UBR4: variants seen among roughly 807,000 people sequenced by gnomAD.
UBR4 encodes the protein E3 ubiquitin-protein ligase UBR4.
Under a neutral mutation model 575.6 loss-of-function variants are expected in UBR4, and 124 were observed. The observed-to-expected ratio is 0.22, with a 90% confidence interval of 0.19 to 0.25. UBR4 has a LOEUF of 0.25. UBR4 is among the 10% of genes least tolerant of loss of function. The pLI is 1.00. For synonymous variants in UBR4, 2,455 were observed against 2,473.7 expected (o/e 0.99, Z 0.22); for missense variants, 4,818 against 6,478.8 (o/e 0.74, Z 8.80).
chr1:19,083,457 G>A (rs1019532720), intron 102 of UBR4, among the ~76,000 whole-genome samples: 4 of 152,212 alleles, frequency 2.6e-5, no homozygotes, highest in Non-Finnish European at 5.9e-5. Flanking sequence ...ACAGGGAACC[G>A]TAAGCCTCTT....
At chr1:19,150,518 A>T in intron 49 of UBR4, 59 bp downstream of exon 49, 1 of 1,559,010 alleles carries the variant, frequency 6.4e-7, no homozygotes, top group South Asian at 1.1e-5. Context: ...AGACACAGGA[A>T]GGTTCTGCAG....
rs77005511 is a variant in UBR4, at chr1:19,099,510, G to T, written c.13302+87C>A. On this transcript the variant is annotated intron_variant, in intron 90 of 105. Transcript: ENST00000375254. ...GAGAGCTGCTACAAGCCAGGTAAGTGATGATGAACAATGGCTCCTGCTGGT... is the reference window on the plus strand; with the variant it reads ...GAGAGCTGCTACAAGCCAGGTAAGTTATGATGAACAATGGCTCCTGCTGGT... The T allele has an allele frequency of 3.7e-3, 4,544 of 1,213,428 alleles. 147 individuals are homozygous for T. In the African/African-American group the frequency reaches 0.062, roughly 16 times the overall value. The allele number at this position is 1,213,428 out of a possible 1,614,324, so 75.2% of individuals were successfully genotyped here. A position where few individuals can be genotyped will look rare whatever the true frequency, so the allele number is the denominator to read the frequency against.
At chr1:19,113,381 G>T in intron 77 of UBR4, 1 of 347,536 alleles carries the variant, frequency 2.9e-6, no homozygotes, top group Non-Finnish European at 5.3e-6. Context: ...CAGAATCTTG[G>T]CATCAAATTT....
rs2085942741 is a variant in UBR4, at chr1:19,152,987, C to T, written c.6832+314G>A. On this transcript the variant is annotated intron_variant, in intron 46 of 105. Coordinates refer to ENST00000375254, the MANE Select transcript of UBR4 (RefSeq NM_020765.3). The surrounding 1 kb of genome is among the most constrained non-coding windows in gnomAD (Gnocchi z 4.4). ...TCTTCACTACTCAGTGGGAAATTAA[C>T]CAGCTGAAGAGGTCTATACTTCAAT... Among the ~76,000 whole-genome samples, 1 of 152,186 alleles carries T rather than the reference C, an allele frequency of 6.6e-6. No homozygotes were observed. Among genetic ancestry groups the T allele is most frequent in the Non-Finnish European group, 1.5e-5 (1 of 68,030 alleles).
At chr1:19,187,085 T>TATG in intron 13 of UBR4, 79 bp downstream of exon 13, 3 of 907,584 alleles carry the variant, frequency 3.3e-6, no homozygotes, top group African/African-American at 1.8e-5. Flanking sequence ...TTTATATATA[T>TATG]ATATATATAT....
intron 1 of UBR4, among the ~76,000 whole-genome samples, chr1:19,208,327 C>T (rs1467872117): frequency 2.0e-5 from 3 of 152,054 alleles, no homozygotes; most frequent in South Asian, 4.2e-4. Flanking sequence ...GTTAGCTGGG[C>T]GTGGTGGCAG....
At chr1:19,086,433 A>G (rs938961514) in intron 100 of UBR4, among the ~76,000 whole-genome samples, 163 bp from the exon 101 acceptor site, 3 of 152,232 alleles carry the variant, frequency 2.0e-5, no homozygotes, top group Admixed American at 2.0e-4. Context: ...TGTAGCCTCA[A>G]TGTGGTACAC....
At chr1:19,097,670 A>G (rs956367597) in intron 90 of UBR4, among the ~76,000 whole-genome samples, 2 of 152,212 alleles carry the variant, frequency 1.3e-5, no homozygotes, top group Non-Finnish European at 2.9e-5. Context: ...CTATAAGCGG[A>G]GGTCTAATTC....
At chr1:19,167,924 T>C (rs2088794326) in intron 28 of UBR4, 103 bp downstream of exon 28, 5 of 1,272,416 alleles carry the variant, frequency 3.9e-6, no homozygotes, top group Non-Finnish European at 5.2e-6. Flanking sequence ...TAAAGAAGTA[T>C]ATAAGAAAGC....
chr1:19,104,363 T>G (rs1285521301), intron 86 of UBR4, 106 bp from the exon 87 acceptor site: 6 of 1,418,322 alleles, frequency 4.2e-6, no homozygotes, highest in Non-Finnish European at 5.8e-6. Context: ...AAAATCTATC[T>G]TTGTGCATGG....
intron 1 of UBR4, among the ~76,000 whole-genome samples, chr1:19,207,018 A>G (rs916577469): frequency 6.6e-6 from 1 of 152,240 alleles, no homozygotes; most frequent in Non-Finnish European, 1.5e-5. Context: ...GGTCGAAAGT[A>G]AGAGTTGGCA....
Position 19,093,888 on chromosome 1 carries a change from G to A in UBR4, c.13937+61C>T. ...TCAGAGGATTCTTCCTCATCTCACA[G>A]ACCTAGTTCGGCGTTTTAGTGGAGA... On this transcript the variant is annotated intron_variant, in intron 95 of 105. Coordinates refer to ENST00000375254, the MANE Select transcript of UBR4 (RefSeq NM_020765.3). This position sits in a 1 kb window ranked among gnomAD's most constrained non-coding sequence, Gnocchi z 4.8. 1 of 1,541,030 alleles carries A rather than the reference G, an allele frequency of 6.5e-7. No individual in the cohort carries two copies. Among genetic ancestry groups the A allele is most frequent in the Non-Finnish European group, 8.8e-7 (1 of 1,134,866 alleles).
At chr1:19,146,180 G>T in intron 52 of UBR4, 1 of 1,280,332 alleles carries the variant, frequency 7.8e-7, no homozygotes, top group Non-Finnish European at 1.1e-6. Flanking sequence ...GATGTTTACC[G>T]CAGATTCAAA....
At chr1:19,132,223 C>G (rs1007228411) in intron 60 of UBR4, among the ~76,000 whole-genome samples, 3 of 151,928 alleles carry the variant, frequency 2.0e-5, no homozygotes, top group Admixed American at 2.0e-4. Context: ...ACTCTGTCAC[C>G]CAGGCTGGAG....
At position 19,094,830 on chromosome 1, in the gene UBR4, CA is replaced by C; in HGVS notation, c.13746+75del. 5.7e-6 allele frequency: 9 copies of C among 1,569,818 alleles called. 1 individual carries two copies. In the South Asian group the frequency reaches 9.3e-5, roughly 16 times the overall value. ...ATTCTCAGGTGGGCTAAGCCAGACA[CA>C]AACAGGCCTGTTGTGGGCAATGAGA... is the stretch of plus-strand genomic sequence containing the variant. On this transcript the variant is annotated intron_variant, in intron 94 of 105. Coordinates refer to ENST00000375254, the MANE Select transcript of UBR4 (RefSeq NM_020765.3).
Position 19,141,755 on chromosome 1 carries a change from A to G in UBR4, c.8202T>C (p.Asp2734=), listed in dbSNP as rs1162605779. ...TPMGDKDDDD[D]DDADEKMQSS... is the part of the protein sequence containing the mutation. ...ACTGCATTTTCTCATCTGCATCATC[A>G]TCGTCATCATCATCCTTGTCTCCTG... Residue 2734 remains aspartate, a synonymous_variant, in exon 56 of 106, where the codon GAT becomes GAC. Transcript: ENST00000375254. 1 of 1,614,200 alleles carries G rather than the reference A, an allele frequency of 6.2e-7. No individual in the cohort carries two copies. The highest frequency in any genetic ancestry group is 8.5e-7 in the Non-Finnish European group (1 of 1,180,036).
chr1:19,087,942 C>A lies in UBR4; in HGVS notation c.14431-13G>T. The A allele has an allele frequency of 6.3e-7, 1 of 1,589,824 alleles. No individual in the cohort carries two copies. The highest frequency in any genetic ancestry group is 1.3e-5 in the African/African-American group (1 of 74,738). On this transcript the variant is annotated splice_polypyrimidine_tract_variant and intron_variant, in intron 98 of 105. Coordinates refer to ENST00000375254, the MANE Select transcript of UBR4 (RefSeq NM_020765.3). ...CCTTTTCATTTGTCTGTAGGGGAACCCCGGTGGCATGTCAAGGGGATTTCC... is the reference window on the plus strand; with the variant it reads ...CCTTTTCATTTGTCTGTAGGGGAACACCGGTGGCATGTCAAGGGGATTTCC...
In UBR4 at chr1:19,117,924, C is replaced by T. The variant is rs1193622714; in HGVS notation, c.10542-14G>A. 6.2e-7 allele frequency: 1 copy of T among 1,611,008 alleles called. No individual in the cohort carries two copies. On this transcript the variant is annotated splice_polypyrimidine_tract_variant and intron_variant, in intron 71 of 105. Coordinates refer to ENST00000375254, the MANE Select transcript of UBR4 (RefSeq NM_020765.3). This position sits in a 1 kb window ranked among gnomAD's most constrained non-coding sequence, Gnocchi z 4.0. ...CCAGACAAAGTGCTAAGGAAGAAAC[C>T]AGTCTTAGCATGAACACATTTTCAT...
In UBR4 at chr1:19,193,460, A is replaced by G. The variant is rs1488842796; in HGVS notation, c.1116T>C (p.Ser372=). The stretch of plus-strand genomic sequence containing the variant: ...ATTTCTGGACAATTGTAGCTGCGTC[A>G]CTTTCATAGTCATCTTCTTTGGAGC... ...STSSKEDDYE[S]DAATIVQKCL... is the part of the protein sequence containing the mutation. Residue 372 remains serine, a synonymous_variant, in exon 9 of 106, where the codon AGT becomes AGC. Coordinates refer to ENST00000375254, the MANE Select transcript of UBR4 (RefSeq NM_020765.3). 1 of 1,614,008 alleles carries G rather than the reference A, an allele frequency of 6.2e-7. No individual in the cohort carries two copies. The highest frequency in any genetic ancestry group is 1.7e-5 in the Admixed American group (1 of 60,008).
Sources: allele counts gnomAD v4.1 joint callset (sites outside exome capture counted in the v4.1 genomes callset), GRCh38; gene constraint gnomAD v4.1.1; non-coding constraint Gnocchi (gnomAD v3.1); transcripts MANE v1.5; gene names NCBI Gene and HGNC (gene_info 2026-07-23, HGNC 2026-07-21).